RRAGC: variants seen among roughly 807,000 people sequenced by gnomAD.
RRAGC encodes the protein Ras related GTP binding C, also known as ras-related GTP-binding protein C.
In RRAGC, 8 loss-of-function variants were observed where a neutral mutation model predicts 37.1. The ratio of observed to expected loss-of-function variants is 0.22; its 90% CI spans 0.13 to 0.39. The LOEUF is 0.39. Ranked by LOEUF, RRAGC falls within the 10% of genes least tolerant of loss-of-function variation. The pLI, the probability that RRAGC is intolerant of heterozygous loss-of-function variation, is 1.00. For missense variants in RRAGC, 342 were observed against 497.6 expected (o/e 0.69, Z 2.98); for synonymous variants, 190 against 181.1 (o/e 1.05, Z -0.39).
At chr1:38,841,782 A>G (rs1484393399) in intron 6 of RRAGC, among the ~76,000 whole-genome samples, 1 of 151,990 alleles carries the variant, frequency 6.6e-6, no homozygotes, top group East Asian at 1.9e-4. Flanking sequence ...TCAGGAGTTC[A>G]AGACCACCCT....
At position 38,852,431 on chromosome 1, in the gene RRAGC, C is replaced by G. The variant is rs765262814; in HGVS notation, c.699G>C (p.Val233=). ...HSIFEAFSKV[V]QKLIPQLPTL... ...TCGGCAGTTGTGGAATGAGTTTCTG[C>G]ACCACCTTACTAAAGGCTTCAAATA... Residue 233 remains valine (V), a synonymous_variant, in exon 4 of 7, where the codon GTG becomes GTC. Coordinates refer to ENST00000373001, the MANE Select transcript of RRAGC (RefSeq NM_022157.4). 12 of 1,611,024 alleles carry G rather than the reference C, an allele frequency of 7.4e-6. No homozygotes were observed. The highest frequency in any genetic ancestry group is 9.3e-6 in the Non-Finnish European group (11 of 1,177,742).
Position 38,842,189 on chromosome 1 carries a change from A to G in RRAGC, c.1049-2485T>C, listed in dbSNP as rs1019662339. On this transcript the variant is annotated intron_variant, in intron 6 of 6. Transcript: ENST00000373001. ...TGGGAGGCTGAGGCAGGAGAATGGC[A>G]TGAACCCGGGAGGCGGAGCTTGCAG... 5.3e-5 allele frequency among the ~76,000 whole-genome samples: 8 copies of G among 152,058 alleles called. No homozygotes were observed. The South Asian group carries it at 1.0e-3, about 20-fold the overall frequency.
intron 5 of RRAGC, among the ~76,000 whole-genome samples, chr1:38,848,254 G>A (rs929487842): frequency 6.6e-6 from 1 of 152,150 alleles, no homozygotes; most frequent in Non-Finnish European, 1.5e-5. Flanking sequence ...TTGGAGAAGA[G>A]GAAGTTATAA....
At chr1:38,854,046 G>A (rs1642135249) in intron 3 of RRAGC, among the ~76,000 whole-genome samples, 1 of 150,090 alleles carries the variant, frequency 6.7e-6, no homozygotes, top group Admixed American at 6.7e-5. Flanking sequence ...CCATAGGACT[G>A]CTAGTACTAA....
At chr1:38,854,922 T>C (rs1642149220) in intron 3 of RRAGC, among the ~76,000 whole-genome samples, 1 of 152,230 alleles carries the variant, frequency 6.6e-6, no homozygotes, top group Non-Finnish European at 1.5e-5. Context: ...AATATTTTCT[T>C]GGGTACTTTT....
chr1:38,847,514 G>GT (rs1377541014), intron 5 of RRAGC: 1 of 151,908 alleles, frequency 6.6e-6, no homozygotes, highest in Non-Finnish European at 1.5e-5. Context: ...GTTGACTTGA[G>GT]TAGTGGCTCT....
rs1013161041 is a variant in RRAGC at position 38,859,330 on chromosome 1, C to T, written c.237+80G>A. 6.8e-6 allele frequency: 9 copies of T among 1,319,630 alleles called. No homozygotes were observed. In the African/African-American group the frequency reaches 7.4e-5, roughly 11 times the overall value. 81.7% of individuals were successfully genotyped at this position (1,319,630 alleles called of 1,614,324 possible). ...GGACGGAGCGCAGGCGGGCCCCGGC[C>T]GCCGCCCTCCCGGGCGTCCCCGCTA... is the stretch of plus-strand genomic sequence containing the variant. On this transcript the variant is annotated intron_variant, in intron 1 of 6. Coordinates refer to ENST00000373001, the MANE Select transcript of RRAGC (RefSeq NM_022157.4).
chr1:38,839,550 A>C lies in RRAGC; in HGVS notation c.*3T>G. ...GCACAGAGCCCCGACGCTGGGATTC[A>C]GACTAGATGGCGTTTCGTGGCGTGC... On this transcript the variant is annotated 3_prime_UTR_variant, in exon 7 of 7. Transcript: ENST00000373001. 1 of 1,613,988 alleles carries C rather than the reference A, an allele frequency of 6.2e-7. No homozygotes were observed. The highest frequency in any genetic ancestry group is 1.3e-5 in the African/African-American group (1 of 75,020).
At chr1:38,842,467 G>C (rs1244062988) in intron 6 of RRAGC, among the ~76,000 whole-genome samples, 1 of 152,104 alleles carries the variant, frequency 6.6e-6, no homozygotes, top group African/African-American at 2.4e-5. Flanking sequence ...AATCAAATAA[G>C]ATACCCTTTC....
chr1:38,840,184 ATAT>A (rs1402117783), intron 6 of RRAGC, among the ~76,000 whole-genome samples: 3 of 151,734 alleles, frequency 2.0e-5, no homozygotes, highest in African/African-American at 7.3e-5. Context: ...TGGTCATCAT[ATAT>A]ATCCACCATC....
At chr1:38,859,325 CCGGCCGCCGCCCTCCCGG>C (rs906930912) in intron 1 of RRAGC, 67 bp downstream of exon 1, 1 of 1,291,140 alleles carries the variant, frequency 7.7e-7, no homozygotes, top group Non-Finnish European at 1.1e-6. Context: ...CAGGCGGGCC[CCGGCCGCCGCCCTCCCGG>C]GCGTCCCCGC....
intron 1 of RRAGC, among the ~76,000 whole-genome samples, chr1:38,858,995 G>A (rs568308116): frequency 6.6e-6 from 1 of 152,342 alleles, no homozygotes; most frequent in East Asian, 1.9e-4. Context: ...GCTCCCTGGG[G>A]CTCTGCTGGG....
chr1:38,853,333 C>A (rs1373649350), intron 3 of RRAGC, among the ~76,000 whole-genome samples: 1 of 152,218 alleles, frequency 6.6e-6, no homozygotes, highest in Non-Finnish European at 1.5e-5. Context: ...AATTTAAACA[C>A]TGTCAACAAT....
In RRAGC at chr1:38,857,082, C is replaced by G. The variant is rs745355631; in HGVS notation, c.238G>C (p.Val80Leu). ...TTGGGTGACATCTTATGAAACACCA[C>G]CTGTTAAAAGAAAACAGGCAATTTT... ...RRSGKSSIQK[V>L]VFHKMSPNET... The change falls in exon 2 of 7, where the codon GTG (valine) becomes CTG (leucine). Residue 80 changes from valine (V) to leucine (L), a missense_variant and splice_region_variant. Coordinates refer to ENST00000373001, the MANE Select transcript of RRAGC (RefSeq NM_022157.4). 6.2e-7 allele frequency: 1 copy of G among 1,606,758 alleles called. No homozygotes were observed. The highest frequency in any genetic ancestry group is 8.5e-7 in the Non-Finnish European group (1 of 1,174,034).
chr1:38,854,844 G>A (rs566145195), intron 3 of RRAGC, among the ~76,000 whole-genome samples: 2 of 152,178 alleles, frequency 1.3e-5, no homozygotes, highest in South Asian at 2.1e-4. Flanking sequence ...ACAATAGAAC[G>A]GGGACAGAGA....
intron 3 of RRAGC, 131 bp downstream of exon 3, chr1:38,855,577 C>G (rs1642158281): frequency 2.6e-6 from 2 of 770,264 alleles, no homozygotes; most frequent in Non-Finnish European, 4.2e-6. Flanking sequence ...AATTCAACAA[C>G]AAGATCAAAA....
At chr1:38,842,976 A>G (rs71642658) in intron 6 of RRAGC, among the ~76,000 whole-genome samples, 12,576 of 152,248 alleles carry the variant, frequency 0.083, 553 homozygotes, top group Middle Eastern at 0.16. Context: ...AAGTGAAAAA[A>G]TAAGAAAAAT....
intron 6 of RRAGC, among the ~76,000 whole-genome samples, chr1:38,845,576 T>C (rs907752377): frequency 3.3e-5 from 5 of 152,206 alleles, no homozygotes; most frequent in Non-Finnish European, 5.9e-5. Context: ...TATACCTATG[T>C]AGCAAACCCG....
chr1:38,850,512 TAATA>T (rs3072435), intron 5 of RRAGC, among the ~76,000 whole-genome samples: 19,519 of 147,790 alleles, frequency 0.13, 1,723 homozygotes, highest in African/African-American at 0.25. Context: ...AGACTCCGTT[TAATA>T]AATAAATAAA....
Sources: gnomAD v4.1 joint callset for allele counts (sites outside exome capture counted in the v4.1 genomes callset) on GRCh38, gnomAD v4.1.1 for gene constraint, MANE v1.5 for transcripts, NCBI Gene and HGNC (gene_info 2026-07-23, HGNC 2026-07-21) for gene names.